Variants in EEF1AKMT2 observed in about 807,000 individuals in gnomAD.
EEF1AKMT2 encodes the protein eukaryotic translation elongation factor 1 alpha lysine methyltransferase 2.
EEF1AKMT2 carries 32 observed loss-of-function variants against 35.8 expected under a neutral mutation model. That is an observed-to-expected ratio of 0.89 (90% confidence interval 0.67 to 1.20). The LOEUF (loss-of-function observed/expected upper bound fraction) is 1.20. Among genes scored for constraint, EEF1AKMT2 ranks in the 50% most tolerant of loss-of-function variants. The pLI is 0.00. For missense variants in EEF1AKMT2, 330 were observed against 347.5 expected, an observed-to-expected ratio of 0.95 and a Z score of 0.40; for synonymous variants, 121 against 133.7, an observed-to-expected ratio of 0.91 and a Z score of 0.65.
chr10:124,778,530 C>T (rs1391242847), intron 3 of EEF1AKMT2, among the ~76,000 whole-genome samples: 1 of 151,934 alleles, frequency 6.6e-6, no homozygotes, highest in Non-Finnish European at 1.5e-5. Flanking sequence ...TCGAGACCAG[C>T]CTGGCCAATA....
At chr10:124,790,788 C>G (rs1267453918) in intron 1 of EEF1AKMT2, among the ~76,000 whole-genome samples, 1 of 151,798 alleles carries the variant, frequency 6.6e-6, no homozygotes, top group African/African-American at 2.4e-5. Flanking sequence ...TTTTTTGAGA[C>G]GGAGTCACGC....
intron 1 of EEF1AKMT2, 141 bp from the exon 2 acceptor site, chr10:124,790,479 A>C: frequency 1.5e-6 from 1 of 652,518 alleles, no homozygotes; most frequent in East Asian, 2.8e-5. Flanking sequence ...CACATAGTTC[A>C]ATCTTTTAAC....
rs1324891418 is a variant in EEF1AKMT2, at chr10:124,760,483, G to C, written c.*20C>G. 1 of 1,613,732 alleles carries C rather than the reference G, an allele frequency of 6.2e-7. No individual in the cohort carries two copies. The highest frequency in any genetic ancestry group is 1.3e-5 in the African/African-American group (1 of 75,046). On this transcript the variant is annotated 3_prime_UTR_variant, in exon 7 of 7. Transcript: ENST00000368836. Reference sequence around the variant, plus strand: ...CCAAAGCTGAACTTGGGTGTTGGTAGCTCTTCGAGAAGTTCAAATCCTGTC... The same window carrying C: ...CCAAAGCTGAACTTGGGTGTTGGTACCTCTTCGAGAAGTTCAAATCCTGTC...
At chr10:124,771,156 G>A (rs1351320325) in intron 4 of EEF1AKMT2, among the ~76,000 whole-genome samples, 1 of 151,354 alleles carries the variant, frequency 6.6e-6, no homozygotes. Flanking sequence ...CTGGAGTGCA[G>A]CGGCTAGATC....
At chr10:124,785,270 A>AG (rs1950575093) in intron 3 of EEF1AKMT2, among the ~76,000 whole-genome samples, 1 of 142,368 alleles carries the variant, frequency 7.0e-6, no homozygotes, top group African/African-American at 2.5e-5. Context: ...AAAAAAAAAA[A>AG]GAATGTAAAA....
chr10:124,765,408 T>C lies in EEF1AKMT2; in HGVS notation c.600A>G (p.Leu200=), dbSNP rs1950370275. The change falls in exon 5 of 7, where the codon CTA becomes CTG. Residue 200 remains leucine (L), a synonymous_variant. Coordinates refer to ENST00000368836, the MANE Select transcript of EEF1AKMT2 (RefSeq NM_212554.4). ...TSCNWTKEEL[L]NEFSEGWSTV... The stretch of plus-strand genomic sequence containing the variant: ...GTCACTTACCTTCACTGAATTCATT[T>C]AGCAACTCTTCCTTGGTCCAATTAC... 2 of 1,613,758 alleles carry C rather than the reference T, an allele frequency of 1.2e-6. No individual in the cohort carries two copies. Among genetic ancestry groups the C allele is most frequent in the African/African-American group, 2.7e-5 (2 of 74,926 alleles).
In EEF1AKMT2 at chr10:124,759,311, T is replaced by C. The variant is rs1322204824; in HGVS notation, c.*1192A>G. 6.6e-6 allele frequency: 1 copy of C among 152,172 alleles called. No homozygotes were observed. The highest frequency in any genetic ancestry group is 1.5e-5 in the Non-Finnish European group (1 of 68,030). 9.4% of individuals were successfully genotyped at this position (152,172 alleles called of 1,614,324 possible). A position where few individuals can be genotyped will look rare whatever the true frequency, so the allele number is the denominator to read the frequency against. On this transcript the variant is annotated 3_prime_UTR_variant, in exon 7 of 7. Transcript: ENST00000368836. Reference sequence around the variant, plus strand: ...AGGGCTTATATAACTTACACTACCCTTTCACAGAAGAATGACAAAATTCTT... The same window carrying C: ...AGGGCTTATATAACTTACACTACCCCTTCACAGAAGAATGACAAAATTCTT...
At chr10:124,768,218 T>C (rs1950396892) in intron 4 of EEF1AKMT2, among the ~76,000 whole-genome samples, 1 of 152,124 alleles carries the variant, frequency 6.6e-6, no homozygotes, top group Non-Finnish European at 1.5e-5. Flanking sequence ...ATGAGGGACT[T>C]TGTAAGGCTG....
chr10:124,777,233 C>T (rs572524078), intron 3 of EEF1AKMT2, among the ~76,000 whole-genome samples: 8 of 149,484 alleles, frequency 5.4e-5, no homozygotes, highest in Non-Finnish European at 1.2e-4. Context: ...GAGCCAAGAT[C>T]GCGCCATTGC....
intron 4 of EEF1AKMT2, 94 bp downstream of exon 4, chr10:124,774,581 T>C: frequency 1.7e-6 from 1 of 592,262 alleles, no homozygotes; most frequent in Non-Finnish European, 2.5e-6. Flanking sequence ...TTATGATTGA[T>C]CCCTAATTTA....
chr10:124,757,118 T>C (rs1950292251), downstream of EEF1AKMT2, among the ~76,000 whole-genome samples: 1 of 151,182 alleles, frequency 6.6e-6, no homozygotes, highest in African/African-American at 2.4e-5. Flanking sequence ...CTTCATTCAG[T>C]GAAATGTACG....
intron 3 of EEF1AKMT2, among the ~76,000 whole-genome samples, chr10:124,788,417 C>G (rs1048769415): frequency 6.6e-6 from 1 of 151,960 alleles, no homozygotes; most frequent in African/African-American, 2.4e-5. Flanking sequence ...TTCCTGTTGC[C>G]AATGCCAAAC....
intron 4 of EEF1AKMT2, among the ~76,000 whole-genome samples, chr10:124,770,447 C>T (rs953486519): frequency 1.3e-5 from 2 of 152,028 alleles, no homozygotes; most frequent in Non-Finnish European, 2.9e-5. Context: ...GTTAAAAAAA[C>T]ACTAACAAGC....
Position 124,760,367 on chromosome 10 carries a change from G to T in EEF1AKMT2, c.*136C>A. 1 of 1,384,974 alleles carries T rather than the reference G, an allele frequency of 7.2e-7. No homozygotes were observed. Among genetic ancestry groups the T allele is most frequent in the Non-Finnish European group, 1.0e-6 (1 of 978,852 alleles). 85.8% of individuals were successfully genotyped at this position (1,384,974 alleles called of 1,614,324 possible). A position where few individuals can be genotyped will look rare whatever the true frequency, so the allele number is the denominator to read the frequency against. ...TTCTGTGTCAGGTTAACTTTGCTGTGTAGATTCTGTGTAGCTACCTGAATT... is the reference window on the plus strand; with the variant it reads ...TTCTGTGTCAGGTTAACTTTGCTGTTTAGATTCTGTGTAGCTACCTGAATT... On this transcript the variant is annotated 3_prime_UTR_variant, in exon 7 of 7. Coordinates refer to ENST00000368836, the MANE Select transcript of EEF1AKMT2 (RefSeq NM_212554.4).
At chr10:124,769,218 C>CAAAAAAAAAAAAAAAAAAAAAAA (rs1554917142) in intron 4 of EEF1AKMT2, among the ~76,000 whole-genome samples, 8 of 31,294 alleles carry the variant, frequency 2.6e-4, no homozygotes, top group Admixed American at 6.2e-4. Context: ...ACACTGTCTC[C>CAAAAAAAAAAAAAAAAAAAAAAA]AAAAAAAAAA....
At chr10:124,773,790 A>G (rs1470532195) in intron 4 of EEF1AKMT2, among the ~76,000 whole-genome samples, 1 of 152,236 alleles carries the variant, frequency 6.6e-6, no homozygotes, top group East Asian at 1.9e-4. Flanking sequence ...AAATATTACA[A>G]CAATTACCAA....
intron 3 of EEF1AKMT2, among the ~76,000 whole-genome samples, chr10:124,777,080 G>C (rs1950493516): frequency 6.6e-6 from 1 of 151,858 alleles, no homozygotes; most frequent in African/African-American, 2.4e-5. Context: ...AGGAGTTTGA[G>C]ACCAGCCTGG....
chr10:124,789,660 CG>C (rs1013681819), intron 2 of EEF1AKMT2, among the ~76,000 whole-genome samples: 72 of 150,780 alleles, frequency 4.8e-4, no homozygotes, highest in Admixed American at 9.3e-4. Flanking sequence ...GAGGCTGTGG[CG>C]GGAGGATCAC....
chr10:124,761,691 T>C (rs537475247), intron 6 of EEF1AKMT2, among the ~76,000 whole-genome samples: 25 of 152,338 alleles, frequency 1.6e-4, no homozygotes, highest in East Asian at 7.7e-4. Context: ...CTGATTTCTA[T>C]GCACTTTCTA....
Sources: gnomAD v4.1 joint callset for allele counts (sites outside exome capture counted in the v4.1 genomes callset) on GRCh38, gnomAD v4.1.1 for gene constraint, MANE v1.5 for transcripts, NCBI Gene and HGNC (gene_info 2026-07-23, HGNC 2026-07-21) for gene names.